The following RTN1 variants were observed in gnomAD, a reference collection of about 807,000 sequenced individuals.
RTN1 encodes the protein reticulon 1.
Under a neutral mutation model 65.5 loss-of-function variants are expected in RTN1, and 25 were observed. The observed-to-expected ratio is 0.38, with a 90% CI of 0.28 to 0.53. RTN1 has a LOEUF of 0.53. RTN1 is among the 20% of genes least tolerant of loss of function. The probability of loss-of-function intolerance (pLI) is 0.79; values close to 1 mark genes in which losing one functional copy is unlikely to be tolerated. For synonymous variants in RTN1, 471 were observed against 447.6 expected, an observed-to-expected ratio of 1.05 and a Z score of -0.66; for missense variants, 983 against 1,025.4, an observed-to-expected ratio of 0.96 and a Z score of 0.57.
chr14:59,773,384 G>A (rs1348888212), intron 1 of RTN1, among the ~76,000 whole-genome samples: 1 of 152,022 alleles, frequency 6.6e-6, no homozygotes, highest in African/African-American at 2.4e-5. Flanking sequence ...TCACTATTGT[G>A]GTTCCAAGAA....
At chr14:59,691,020 ACAGGAAC>A (rs1883949924) in intron 3 of RTN1, among the ~76,000 whole-genome samples, 1 of 152,136 alleles carries the variant, frequency 6.6e-6, no homozygotes, top group Admixed American at 6.5e-5. Flanking sequence ...TATCCCACCT[ACAGGAAC>A]CAAAAAAGTG....
intron 3 of RTN1, among the ~76,000 whole-genome samples, chr14:59,681,710 GA>G (rs1191109588): frequency 1.3e-5 from 2 of 152,100 alleles, no homozygotes; most frequent in African/African-American, 4.8e-5. Flanking sequence ...AGGCATCTAT[GA>G]ACTCATTTTC....
chr14:59,753,565 T>G (rs1326062362), intron 1 of RTN1, among the ~76,000 whole-genome samples: 1 of 152,206 alleles, frequency 6.6e-6, no homozygotes, highest in Non-Finnish European at 1.5e-5. Flanking sequence ...TTTAAAAATA[T>G]ACATGCATGA....
chr14:59,804,943 G>A (rs552668834), intron 1 of RTN1, among the ~76,000 whole-genome samples: 2 of 152,308 alleles, frequency 1.3e-5, no homozygotes, highest in East Asian at 3.9e-4. Flanking sequence ...CTTTCACAGT[G>A]ACCTACCCTC....
rs1165034436 is a variant in RTN1 at position 59,803,566 on chromosome 14, G to A, written c.242-57085C>T. Among the ~76,000 whole-genome samples, 5 of 152,102 alleles carry A rather than the reference G, an allele frequency of 3.3e-5. No homozygotes were observed. Among genetic ancestry groups the A allele is most frequent in the African/African-American group, 1.2e-4 (5 of 41,410 alleles). ...ATTCAGAGGGGTGTGAGATCTCCCA[G>A]AATTTTCCTACCTGGGAAATCAGCA... On this transcript the variant is annotated intron_variant, in intron 1 of 8. Transcript: ENST00000267484. The surrounding 1 kb of genome is among the most constrained non-coding windows in gnomAD (Gnocchi z 5.6).
intron 3 of RTN1, among the ~76,000 whole-genome samples, chr14:59,654,432 GAA>G (rs1555353831): frequency 7.4e-5 from 8 of 108,808 alleles, no homozygotes; most frequent in Admixed American, 9.3e-5. Context: ...CTGTCTCTGT[GAA>G]AAAAAAAAAA....
In RTN1 at chr14:59,774,784, A is replaced by G. The variant is rs896141663; in HGVS notation, c.242-28303T>C. Among the ~76,000 whole-genome samples the G allele has an allele frequency of 6.6e-6, 1 of 152,180 alleles. No homozygotes were observed. Among genetic ancestry groups the G allele is most frequent in the Non-Finnish European group, 1.5e-5 (1 of 68,030 alleles). ...GGTAAAATCAGCCAACAGCCAACTC[A>G]CAACATCTCCCCAAGGAGACCACAT... is the stretch of plus-strand genomic sequence containing the variant. On this transcript the variant is annotated intron_variant, in intron 1 of 8. Coordinates refer to ENST00000267484, the MANE Select transcript of RTN1 (RefSeq NM_021136.3). The surrounding 1 kb of genome is among the most constrained non-coding windows in gnomAD (Gnocchi z 5.1).
At chr14:59,824,029 A>G (rs572267540) in intron 1 of RTN1, among the ~76,000 whole-genome samples, 27 of 152,354 alleles carry the variant, frequency 1.8e-4, no homozygotes, top group Admixed American at 3.3e-4. Flanking sequence ...TAAACCAATT[A>G]CCTCCTCTAA....
intron 3 of RTN1, among the ~76,000 whole-genome samples, chr14:59,611,744 T>A (rs1184467791): frequency 6.6e-6 from 1 of 152,222 alleles, no homozygotes; most frequent in Non-Finnish European, 1.5e-5. Context: ...CGAGGAGGTT[T>A]CTCAGACAGA....
chr14:59,633,033 A>G (rs919054846), intron 3 of RTN1, among the ~76,000 whole-genome samples: 4 of 152,094 alleles, frequency 2.6e-5, no homozygotes, highest in Non-Finnish European at 2.9e-5. Context: ...ACCCAGGGAG[A>G]TCGAGGCTGC....
At chr14:59,707,561 T>C (rs1240955488) in intron 3 of RTN1, among the ~76,000 whole-genome samples, 3 of 152,214 alleles carry the variant, frequency 2.0e-5, no homozygotes, top group African/African-American at 4.8e-5. Flanking sequence ...GGGTTCTCAA[T>C]AGTTGTTGAT....
intron 3 of RTN1, among the ~76,000 whole-genome samples, chr14:59,667,563 G>A (rs2103969): frequency 2.0e-5 from 3 of 152,048 alleles, no homozygotes; most frequent in African/African-American, 4.8e-5. Flanking sequence ...ACAAGGATGA[G>A]CTCTCTCACC....
chr14:59,690,125 A>G (rs1293287850), intron 3 of RTN1, among the ~76,000 whole-genome samples: 1 of 151,974 alleles, frequency 6.6e-6, no homozygotes, highest in African/African-American at 2.4e-5. Flanking sequence ...GCCTTAACCT[A>G]GAATGCAAAT....
In RTN1 at chr14:59,849,183, A is replaced by G. The variant is rs1887461826; in HGVS notation, c.241+21207T>C. Among the ~76,000 whole-genome samples the G allele has an allele frequency of 6.6e-6, 1 of 152,238 alleles. No individual in the cohort carries two copies. Among genetic ancestry groups the G allele is most frequent in the Non-Finnish European group, 1.5e-5 (1 of 68,040 alleles). ...TTCAATACCCTGCTATATATTCAAT[A>G]GGCCATTAGATCATAAAGCTAATCT... On this transcript the variant is annotated intron_variant, in intron 1 of 8. Coordinates refer to ENST00000267484, the MANE Select transcript of RTN1 (RefSeq NM_021136.3). The surrounding 1 kb of genome is among the most constrained non-coding windows in gnomAD (Gnocchi z 4.5).
At chr14:59,731,990 C>T (rs1214363668) in intron 2 of RTN1, among the ~76,000 whole-genome samples, 3 of 152,138 alleles carry the variant, frequency 2.0e-5, no homozygotes, top group African/African-American at 7.2e-5. Context: ...GAAAACAAAA[C>T]AGAATGGGCT....
intron 3 of RTN1, among the ~76,000 whole-genome samples, chr14:59,621,045 T>G (rs1027228071): frequency 6.6e-6 from 1 of 152,226 alleles, no homozygotes; most frequent in South Asian, 2.1e-4. Flanking sequence ...GAGAAGAGAA[T>G]TTCTGCATTC....
chr14:59,674,097 C>G (rs1883569295), intron 3 of RTN1, among the ~76,000 whole-genome samples: 1 of 152,202 alleles, frequency 6.6e-6, no homozygotes, highest in African/African-American at 2.4e-5. Flanking sequence ...TCCCTTCAAT[C>G]TTCCCCCAAC....
chr14:59,662,163 C>CT (rs145206066), intron 3 of RTN1, among the ~76,000 whole-genome samples: 22,300 of 148,072 alleles, frequency 0.15, 2,157 homozygotes, highest in Non-Finnish European at 0.22. Context: ...TTTCTTTTTT[C>CT]TTTTTTTTTT....
At chr14:59,750,116 A>AATAT (rs1295672123) in intron 1 of RTN1, among the ~76,000 whole-genome samples, 3 of 85,782 alleles carry the variant, frequency 3.5e-5, no homozygotes, top group Non-Finnish European at 6.1e-5. Context: ...TATTATATAT[A>AATAT]ATATATATTA....
Sources: allele counts gnomAD v4.1 joint callset (sites outside exome capture counted in the v4.1 genomes callset), GRCh38; gene constraint gnomAD v4.1.1; non-coding constraint Gnocchi (gnomAD v3.1); transcripts MANE v1.5; gene names NCBI Gene and HGNC (gene_info 2026-07-23, HGNC 2026-07-21).